Variants in ZZEF1 observed in about 807,000 individuals in gnomAD.
The protein encoded by ZZEF1 is zinc finger ZZ-type and EF-hand domain containing 1.
In ZZEF1, 157 loss-of-function variants were observed where a neutral mutation model predicts 342.8. The observed-to-expected ratio is 0.46, with a 90% confidence interval of 0.40 to 0.52. The LOEUF is 0.52. ZZEF1 is among the 20% of genes least tolerant of loss of function. The pLI is 0.00. For missense variants in ZZEF1, 3,480 were observed against 3,725.6 expected, an observed-to-expected ratio of 0.93 and a Z score of 1.72; for synonymous variants, 1,505 against 1,429.1, an observed-to-expected ratio of 1.05 and a Z score of -1.20.
chr17:4,014,101 C>T lies in ZZEF1; in HGVS notation c.8402G>A (p.Arg2801Gln). 4 of 1,614,132 alleles carry T rather than the reference C, an allele frequency of 2.5e-6. 1 individual carries two copies. In the South Asian group the frequency reaches 3.3e-5, roughly 13 times the overall value. The change falls in exon 51 of 55, where the codon CGG becomes CAG. Residue 2801 changes from arginine (R) to glutamine (Q), a missense_variant. Arg to Gln is a conservative substitution (Grantham distance 43, BLOSUM62 1). Transcript: ENST00000381638. This position sits in a 1 kb window ranked among gnomAD's most constrained non-coding sequence, Gnocchi z 4.4. ...RFTVTAGHLGRFQTGFEILKQ... is the reference protein window; with the variant it reads ...RFTVTAGHLGQFQTGFEILKQ... ...CCCAGAGCACACACCTGTCTGGAAC[C>T]GCCCCAGGTGTCCGGCCGTCACGGT...
chr17:4,081,630 G>T, intron 17 of ZZEF1, 140 bp from the exon 18 acceptor site: 1 of 676,020 alleles, frequency 1.5e-6, no homozygotes, highest in Non-Finnish European at 2.5e-6. Context: ...AGGAATACAG[G>T]CTGTGGACCC....
chr17:4,037,214 C>T (rs548945971), intron 39 of ZZEF1, among the ~76,000 whole-genome samples: 1 of 152,138 alleles, frequency 6.6e-6, no homozygotes, highest in Non-Finnish European at 1.5e-5. Context: ...AAAGACTCTC[C>T]CCACTAAATA....
chr17:4,064,602 T>C lies in ZZEF1; in HGVS notation c.4477A>G (p.Thr1493Ala), dbSNP rs1597836568. The C allele has an allele frequency of 6.2e-7, 1 of 1,613,996 alleles. No individual in the cohort carries two copies. Among genetic ancestry groups the C allele is most frequent in the African/African-American group, 1.3e-5 (1 of 74,904 alleles). ...CTGCTGGATGGCAGCTTTGGCTGGG[T>C]GCCCAGGCCAGGACTCTGGTCTCCT... ...ATGDQSPGLG[T>A]QPKLPSSSGL... is the part of the protein sequence containing the mutation. The change falls in exon 29 of 55, where the codon ACC becomes GCC. Residue 1493 changes from threonine to alanine, a missense_variant. Thr to Ala is a moderately conservative substitution (Grantham distance 58). Around this residue, in one of 5 missense-constraint regions of ZZEF1, gnomAD observed 1,528 missense variants for 1,624.1 expected, o/e 0.94. Coordinates refer to ENST00000381638, the MANE Select transcript of ZZEF1 (RefSeq NM_015113.4).
At chr17:4,051,104 A>G (rs2057036638) in intron 35 of ZZEF1, 61 bp from the exon 36 acceptor site, 2 of 1,611,994 alleles carry the variant, frequency 1.2e-6, no homozygotes, top group Non-Finnish European at 1.7e-6. Context: ...GGCTCCAAAC[A>G]GGAGCACAGG....
intron 1 of ZZEF1, among the ~76,000 whole-genome samples, chr17:4,133,679 TC>T (rs942789659): frequency 2.0e-5 from 3 of 152,000 alleles, no homozygotes; most frequent in African/African-American, 7.3e-5. Flanking sequence ...TAATAAAAAT[TC>T]TATATAACCA....
chr17:4,052,330 A>G (rs1477549687), intron 34 of ZZEF1, among the ~76,000 whole-genome samples, 194 bp from the exon 35 acceptor site: 1 of 152,226 alleles, frequency 6.6e-6, no homozygotes, highest in Non-Finnish European at 1.5e-5. Flanking sequence ...CTCTTGGCAC[A>G]GAATTTCTCG....
Position 4,049,785 on chromosome 17 carries a change from TGACTGGTAGGGCCTG to T in ZZEF1, c.5923_5937del (p.Gln1975_Val1979del). 1 of 1,614,202 alleles carries T rather than the reference TGACTGGTAGGGCCTG, an allele frequency of 6.2e-7. No homozygotes were observed. Among genetic ancestry groups the T allele is most frequent in the South Asian group, 1.1e-5 (1 of 91,080 alleles). On this transcript the variant is annotated inframe_deletion, in exon 37 of 55. Transcript: ENST00000381638. The stretch of plus-strand genomic sequence containing the variant: ...TCCTCTGACGCTCCGGTGGGCACAG[TGACTGGTAGGGCCTG>T]ATCTTCTAGGCTCGAGTCCCCATCT...
intron 45 of ZZEF1, among the ~76,000 whole-genome samples, chr17:4,020,226 G>A (rs1379786291): frequency 1.3e-5 from 2 of 152,158 alleles, no homozygotes; most frequent in African/African-American, 2.4e-5. Flanking sequence ...ACCCAAAAGC[G>A]TAGAAAGGCA....
chr17:4,128,471 T>TC (rs2058610456), intron 1 of ZZEF1, among the ~76,000 whole-genome samples: 1 of 151,112 alleles, frequency 6.6e-6, no homozygotes, highest in East Asian at 1.9e-4. Flanking sequence ...TTTTTTTTTT[T>TC]AAATTTGACA....
chr17:4,132,294 A>C (rs112724915), intron 1 of ZZEF1, among the ~76,000 whole-genome samples: 22 of 150,206 alleles, frequency 1.5e-4, no homozygotes, highest in African/African-American at 5.2e-4. Context: ...AGTGATTCCC[A>C]TGCCTCAGCC....
chr17:4,016,234 G>A lies in ZZEF1; in HGVS notation c.8145+89C>T. On this transcript the variant is annotated intron_variant, in intron 49 of 54. Coordinates refer to ENST00000381638, the MANE Select transcript of ZZEF1 (RefSeq NM_015113.4). The surrounding 1 kb of genome is among the most constrained non-coding windows in gnomAD (Gnocchi z 4.4). ...GTCCAGCGGGAGAGAGCCACAGAGGGGCTGAGCATGGAGGGGCTGAGCACG... is the reference window on the plus strand; with the variant it reads ...GTCCAGCGGGAGAGAGCCACAGAGGAGCTGAGCATGGAGGGGCTGAGCACG... The A allele has an allele frequency of 2.0e-6, 3 of 1,469,276 alleles. No homozygotes were observed. The highest frequency in any genetic ancestry group is 2.7e-6 in the Non-Finnish European group (3 of 1,091,560). The allele number at this position is 1,469,276 out of a possible 1,614,324, so 91.0% of individuals were successfully genotyped here.
At chr17:4,015,763 C>CA (rs1294470547) in intron 49 of ZZEF1, among the ~76,000 whole-genome samples, 1 of 151,842 alleles carries the variant, frequency 6.6e-6, no homozygotes, top group Non-Finnish European at 1.5e-5. Flanking sequence ...GACTCCGTCT[C>CA]AAAAAAAAGT....
chr17:4,123,279 AT>A (rs2058516265), intron 2 of ZZEF1, among the ~76,000 whole-genome samples: 1 of 91,104 alleles, frequency 1.1e-5, no homozygotes, highest in African/African-American at 4.3e-5. Flanking sequence ...ATATATATAT[AT>A]ATATATATAT....
rs1191476973 is a variant in ZZEF1, at chr17:4,095,758, A to T, written c.1913+73T>A. 8.1e-6 allele frequency: 12 copies of T among 1,485,348 alleles called. No individual in the cohort carries two copies. In the East Asian group the frequency reaches 2.5e-4, roughly 31 times the overall value. 92.0% of individuals were successfully genotyped at this position (1,485,348 alleles called of 1,614,324 possible). On this transcript the variant is annotated intron_variant, in intron 11 of 54. Transcript: ENST00000381638. ...CAAGCACAGTTCACCAATGAGCATG[A>T]ATACATTCTTATTAACTACAAAGAT...
intron 54 of ZZEF1, 70 bp from the exon 55 acceptor site, chr17:4,007,040 C>T (rs997006846): frequency 2.2e-6 from 3 of 1,395,276 alleles, no homozygotes; most frequent in Non-Finnish European, 2.9e-6. Flanking sequence ...CTGATAAGAC[C>T]CTCAGCTGAG....
chr17:4,139,550 G>A (rs888270038), intron 1 of ZZEF1, among the ~76,000 whole-genome samples: 1 of 152,194 alleles, frequency 6.6e-6, no homozygotes, highest in East Asian at 1.9e-4. Context: ...AATTAACTGT[G>A]TAAGTATGCA....
intron 1 of ZZEF1, among the ~76,000 whole-genome samples, chr17:4,127,081 C>A (rs1474761541): frequency 6.6e-6 from 1 of 151,680 alleles, no homozygotes; most frequent in Non-Finnish European, 1.5e-5. Flanking sequence ...GATCAGCTCA[C>A]TGTAACCTCA....
chr17:4,054,254 TA>T, intron 33 of ZZEF1, 59 bp from the exon 34 acceptor site: 1 of 1,555,370 alleles, frequency 6.4e-7, no homozygotes, highest in South Asian at 1.2e-5. Flanking sequence ...CACAATTCAC[TA>T]ATCAATTCCT....
At chr17:4,085,950 A>C (rs1473361449) in intron 15 of ZZEF1, 147 bp from the exon 16 acceptor site, 1 of 994,406 alleles carries the variant, frequency 1.0e-6, no homozygotes, top group African/African-American at 1.6e-5. Context: ...AGGCAGTATA[A>C]AAAAATATTT....
Sources: gnomAD v4.1 joint callset for allele counts (sites outside exome capture counted in the v4.1 genomes callset) on GRCh38, gnomAD v4.1.1 for gene constraint, gnomAD v4.1.1 regional missense constraint, Gnocchi (gnomAD v3.1) non-coding constraint, MANE v1.5 for transcripts, NCBI Gene and HGNC (gene_info 2026-07-23, HGNC 2026-07-21) for gene names.